Variants in NAALAD2 observed in about 807,000 individuals in gnomAD.
NAALAD2 encodes N-acetylated alpha-linked acidic dipeptidase 2.
Under a neutral mutation model 95.6 loss-of-function variants are expected in NAALAD2, and 89 were observed. The observed-to-expected ratio is 0.93, with a 90% CI of 0.78 to 1.11. The LOEUF (loss-of-function observed/expected upper bound fraction) is 1.11. NAALAD2 is among the 50% of genes least tolerant of loss of function. The probability of loss-of-function intolerance (pLI) is 0.00; values close to 1 mark genes in which losing one functional copy is unlikely to be tolerated. For synonymous variants in NAALAD2, 264 were observed against 294.4 expected, an observed-to-expected ratio of 0.90 and a Z score of 1.06; for missense variants, 894 against 872.4, an observed-to-expected ratio of 1.02 and a Z score of -0.31.
At chr11:90,184,386 T>C (rs1287417496) in intron 18 of NAALAD2, among the ~76,000 whole-genome samples, 1 of 152,126 alleles carries the variant, frequency 6.6e-6, no homozygotes, top group African/African-American at 2.4e-5. Context: ...TTAAGGCCTG[T>C]AGAAGATTTA....
intron 8 of NAALAD2, among the ~76,000 whole-genome samples, chr11:90,159,680 G>A (rs142405373): frequency 0.014 from 2,085 of 152,146 alleles, 52 homozygotes; most frequent in African/African-American, 0.048. Flanking sequence ...TGCTGGGTGT[G>A]GTGGCTCACA....
Position 90,163,549 on chromosome 11 carries a change from A to C in NAALAD2, c.1210A>C (p.Arg404=). The C allele has an allele frequency of 1.2e-6, 2 of 1,614,090 alleles. No homozygotes were observed. Among genetic ancestry groups the C allele is most frequent in the Non-Finnish European group, 1.7e-6 (2 of 1,179,978 alleles). ...AATTCTTACAGGCTGGAGACCTAGAAGAACTATCATTTTTGCCAGCTGGGA... is the reference window on the plus strand; with the variant it reads ...AATTCTTACAGGCTGGAGACCTAGACGAACTATCATTTTTGCCAGCTGGGA... The part of the protein sequence containing the change: ...KLMSKGWRPR[R]TIIFASWDAE... The change falls in exon 11 of 19, where the codon AGA becomes CGA. Residue 404 remains arginine, a synonymous_variant. Transcript: ENST00000534061.
At chr11:90,165,889 A>G (rs1952427792) in intron 11 of NAALAD2, among the ~76,000 whole-genome samples, 1 of 152,216 alleles carries the variant, frequency 6.6e-6, no homozygotes, top group Non-Finnish European at 1.5e-5. Context: ...AATCTAATAT[A>G]TAAAATAATA....
chr11:90,132,858 G>C (rs1032361470), upstream of NAALAD2, among the ~76,000 whole-genome samples: 1 of 152,168 alleles, frequency 6.6e-6, no homozygotes, highest in African/African-American at 2.4e-5. Context: ...AAAAAACACT[G>C]GAGGAGTCAG....
intron 15 of NAALAD2, among the ~76,000 whole-genome samples, chr11:90,176,891 A>G (rs1952806508): frequency 6.6e-6 from 1 of 152,202 alleles, no homozygotes; most frequent in South Asian, 2.1e-4. Context: ...GAATGCTTAC[A>G]TTCATTACAA....
intron 18 of NAALAD2, among the ~76,000 whole-genome samples, chr11:90,185,145 AT>A (rs1188069705): frequency 3.3e-5 from 5 of 151,676 alleles, no homozygotes; most frequent in Non-Finnish European, 5.9e-5. Context: ...ATACTTACAT[AT>A]ACATTTATAT....
At chr11:90,175,265 C>T (rs1169506011) in intron 14 of NAALAD2, among the ~76,000 whole-genome samples, 3 of 152,032 alleles carry the variant, frequency 2.0e-5, no homozygotes, top group Non-Finnish European at 4.4e-5. Context: ...CAGTAAAATA[C>T]AAAAATGATT....
intron 16 of NAALAD2, among the ~76,000 whole-genome samples, chr11:90,180,692 T>C (rs979988581): frequency 2.0e-5 from 3 of 152,072 alleles, no homozygotes; most frequent in African/African-American, 7.2e-5. Context: ...TAAAGTCCTG[T>C]GTAGAAAATA....
chr11:90,185,818 T>A (rs1857121122), intron 18 of NAALAD2, among the ~76,000 whole-genome samples: 1 of 151,780 alleles, frequency 6.6e-6, no homozygotes, highest in Admixed American at 6.6e-5. Flanking sequence ...TTAATATCTC[T>A]ATAATCAGGA....
intron 11 of NAALAD2, among the ~76,000 whole-genome samples, chr11:90,167,301 G>C (rs547394560): frequency 2.8e-3 from 432 of 152,290 alleles, no homozygotes; most frequent in Non-Finnish European, 5.0e-3. Context: ...CAGCCTGCAA[G>C]CCCGGGGCAG....
intron 18 of NAALAD2, among the ~76,000 whole-genome samples, chr11:90,186,339 C>A (rs2134994382): frequency 6.6e-6 from 1 of 152,232 alleles, no homozygotes; most frequent in East Asian, 1.9e-4. Context: ...TCATCCATGT[C>A]CCTACAAAAG....
intron 5 of NAALAD2, 63 bp downstream of exon 5, chr11:90,150,670 G>C: frequency 7.6e-7 from 1 of 1,324,206 alleles, no homozygotes; most frequent in Non-Finnish European, 9.9e-7. Context: ...AAATGTAAAT[G>C]ACCAACTTGC....
Position 90,134,721 on chromosome 11 carries a change from A to T in NAALAD2, c.-38A>T. 1 of 1,605,098 alleles carries T rather than the reference A, an allele frequency of 6.2e-7. No homozygotes were observed. Among genetic ancestry groups the T allele is most frequent in the Non-Finnish European group, 8.5e-7 (1 of 1,173,100 alleles). On this transcript the variant is annotated 5_prime_UTR_variant, in exon 1 of 19. Transcript: ENST00000534061. ...TTTCTCTGCAGCCCCGAAGCTCGCG[A>T]ATGTAGCAGGCGCCCCAAGCTCGGT...
At chr11:90,132,783 A>C (rs1951372261), upstream of NAALAD2, among the ~76,000 whole-genome samples, 1 of 152,182 alleles carries the variant, frequency 6.6e-6, no homozygotes, top group African/African-American at 2.4e-5. Flanking sequence ...GTGTGTATGC[A>C]TATAAGGGGG....
intron 6 of NAALAD2, among the ~76,000 whole-genome samples, chr11:90,155,341 T>C (rs1248157380): frequency 9.3e-6 from 1 of 107,622 alleles, no homozygotes; most frequent in Non-Finnish European, 1.7e-5. Flanking sequence ...TATAATTATA[T>C]ATATTATATA....
intron 2 of NAALAD2, among the ~76,000 whole-genome samples, chr11:90,140,275 T>C (rs1053804986): frequency 7.2e-5 from 11 of 152,152 alleles, no homozygotes; most frequent in Non-Finnish European, 1.5e-4. Context: ...TGATTTTATA[T>C]TGTATCTTTA....
chr11:90,186,587 A>G (rs979658430), intron 18 of NAALAD2, among the ~76,000 whole-genome samples: 2 of 152,090 alleles, frequency 1.3e-5, no homozygotes, highest in African/African-American at 2.4e-5. Context: ...AGGATTCCCT[A>G]TTTAATAAAT....
In NAALAD2 at chr11:90,163,010, A is replaced by C. The variant is rs750672339; in HGVS notation, c.1051A>C (p.Thr351Pro). ...TACAAGGATTTACAATGTAGTTGGAACTATCAGAGGATCTGTGGAACCTGG... is the reference window on the plus strand; with the variant it reads ...TACAAGGATTTACAATGTAGTTGGACCTATCAGAGGATCTGTGGAACCTGG... Reference protein sequence around the residue: ...KITRIYNVVGTIRGSVEPDRY... With the variant: ...KITRIYNVVGPIRGSVEPDRY... Residue 351 changes from threonine to proline, a missense_variant, in exon 9 of 19, where the codon ACT becomes CCT. By Grantham distance (38) the Thr-to-Pro change is conservative. Coordinates refer to ENST00000534061, the MANE Select transcript of NAALAD2 (RefSeq NM_005467.4). 1 of 1,574,894 alleles carries C rather than the reference A, an allele frequency of 6.3e-7. No individual in the cohort carries two copies. Among genetic ancestry groups the C allele is most frequent in the South Asian group, 1.2e-5 (1 of 83,820 alleles).
At chr11:90,138,781 A>T (rs1951523885) in intron 2 of NAALAD2, among the ~76,000 whole-genome samples, 1 of 82,966 alleles carries the variant, frequency 1.2e-5, no homozygotes, top group Non-Finnish European at 2.3e-5. Flanking sequence ...AATCTCTTTC[A>T]TGATTACCTT....
Sources: gnomAD v4.1 joint callset for allele counts (sites outside exome capture counted in the v4.1 genomes callset) on GRCh38, gnomAD v4.1.1 for gene constraint, MANE v1.5 for transcripts, NCBI Gene and HGNC (gene_info 2026-07-23, HGNC 2026-07-21) for gene names.